Variants in DBNDD1 observed in about 807,000 individuals in gnomAD.
DBNDD1 encodes the protein dysbindin domain-containing protein 1.
Under a neutral mutation model 17.0 loss-of-function variants are expected in DBNDD1, and 14 were observed. That is an observed-to-expected ratio of 0.82 (90% CI 0.54 to 1.29). The LOEUF is 1.29. DBNDD1 is among the 50% of genes most tolerant of loss of function. The pLI is 0.00. For synonymous variants in DBNDD1, 105 were observed against 102.0 expected, an observed-to-expected ratio of 1.03 and a Z score of -0.18; for missense variants, 221 against 216.2, an observed-to-expected ratio of 1.02 and a Z score of -0.14.
intron 2 of DBNDD1, 40 bp downstream of exon 2, chr16:90,009,244 G>C (rs747619217): frequency 6.2e-7 from 1 of 1,607,210 alleles, no homozygotes; most frequent in Non-Finnish European, 8.5e-7. Context: ...GGAGCTCACG[G>C]GGTCCCCATA....
At chr16:90,009,199 G>T (rs1597578813) in intron 2 of DBNDD1, 85 bp downstream of exon 2, 3 of 1,564,000 alleles carry the variant, frequency 1.9e-6, no homozygotes, top group East Asian at 4.6e-5. Context: ...GGAGTGTTTG[G>T]ACAGGAGGTG....
chr16:90,019,691 G>T, upstream of DBNDD1: 1 of 560,002 alleles, frequency 1.8e-6, no homozygotes, highest in South Asian at 2.2e-5. This position sits in a 1 kb window ranked among gnomAD's most constrained non-coding sequence, Gnocchi z 6.1. Context: ...GCGCCCTCCC[G>T]ACCCCGGCCG....
At chr16:90,018,560 C>T (rs1401830971) in intron 1 of DBNDD1, among the ~76,000 whole-genome samples, 1 of 152,210 alleles carries the variant, frequency 6.6e-6, no homozygotes, top group Non-Finnish European at 1.5e-5. Context: ...CAGTTTGCAT[C>T]CAAGTTCCTA....
In DBNDD1 at chr16:90,008,797, G is replaced by C. The variant is rs936557301; in HGVS notation, c.306C>G (p.Thr102=). ...TGCCGGCCTCACCTGCTGGGGACTC[G>C]GTGTTGAGGTTCTCGTCGTCCGAGT... ...FADSDDENLN[T]ESPAGLHPLP... is the part of the protein sequence containing the mutation. The change falls in exon 3 of 4, where the codon ACC becomes ACG. Residue 102 remains threonine, a synonymous_variant. Coordinates refer to ENST00000002501, the MANE Select transcript of DBNDD1 (RefSeq NM_001042610.3). 1.3e-6 allele frequency: 2 copies of C among 1,596,884 alleles called. No individual in the cohort carries two copies. Among genetic ancestry groups the C allele is most frequent in the African/African-American group, 1.3e-5 (1 of 74,694 alleles).
chr16:90,010,073 T>A (rs1347261540), intron 1 of DBNDD1: 1 of 1,610,112 alleles, frequency 6.2e-7, no homozygotes, highest in Admixed American at 1.7e-5. Flanking sequence ...TTAGATGGAG[T>A]CTCGCTCTGT....
At chr16:90,007,084 C>T (rs2035442072) in intron 3 of DBNDD1, 1 of 153,858 alleles carries the variant, frequency 6.5e-6, no homozygotes, top group African/African-American at 2.4e-5. Context: ...GGCTCACGGG[C>T]TGGGTGGGAA....
chr16:90,017,871 G>T (rs1400155648), intron 1 of DBNDD1, among the ~76,000 whole-genome samples: 3 of 152,210 alleles, frequency 2.0e-5, no homozygotes, highest in Non-Finnish European at 4.4e-5. Flanking sequence ...GCACAGAGCT[G>T]CGACCTGTAG....
chr16:90,011,850 C>G (rs1407482016), intron 1 of DBNDD1, among the ~76,000 whole-genome samples: 1 of 152,178 alleles, frequency 6.6e-6, no homozygotes, highest in Non-Finnish European at 1.5e-5. Context: ...GGGGACCTCC[C>G]GGACACCAGC....
At chr16:90,008,193 A>ACGTCCCAAGG (rs2035471903) in intron 3 of DBNDD1, among the ~76,000 whole-genome samples, 1 of 13,176 alleles carries the variant, frequency 7.6e-5, no homozygotes, top group Non-Finnish European at 1.9e-4. Context: ...ACCTCCCAGG[A>ACGTCCCAAGG]TGTCCCAAGG....
intron 1 of DBNDD1, among the ~76,000 whole-genome samples, chr16:90,012,890 A>G (rs1283342483): frequency 6.6e-6 from 1 of 151,672 alleles, no homozygotes; most frequent in African/African-American, 2.4e-5. Context: ...AGCTGGGACC[A>G]CCACTCCTGG....
chr16:90,019,519 C>CG (rs1402366601), upstream of DBNDD1: 1,220 of 156,178 alleles, frequency 7.8e-3, 8 homozygotes, highest in Admixed American at 0.012. The surrounding 1 kb of genome is among the most constrained non-coding windows in gnomAD (Gnocchi z 6.1). Flanking sequence ...CAGCTGCTCC[C>CG]GGGCCCCGGC....
intron 2 of DBNDD1, 88 bp from the exon 3 acceptor site, chr16:90,009,012 C>T: frequency 7.0e-7 from 1 of 1,438,210 alleles, no homozygotes; most frequent in South Asian, 1.4e-5. Context: ...TGTGCTGTGT[C>T]CTCCCACAAG....
Position 90,008,812 on chromosome 16 carries a change from G to C in DBNDD1, c.291C>G (p.Asp97Glu), listed in dbSNP as rs773478288. ...ELAEVFADSDDENLNTESPAG... is the reference protein window; with the variant it reads ...ELAEVFADSDEENLNTESPAG... ...CTGGGGACTCGGTGTTGAGGTTCTC[G>C]TCGTCCGAGTCAGCAAAGACCTCGG... is the stretch of plus-strand genomic sequence containing the variant. The change falls in exon 3 of 4, where the codon GAC (aspartate) becomes GAG (glutamate). Residue 97 changes from aspartate (D) to glutamate (E), a missense_variant. Physicochemically the swap from Asp to Glu is conservative, Grantham distance 45. Coordinates refer to ENST00000002501, the MANE Select transcript of DBNDD1 (RefSeq NM_001042610.3). 3.7e-6 allele frequency: 6 copies of C among 1,603,024 alleles called. No individual in the cohort carries two copies. Among genetic ancestry groups the C allele is most frequent in the Non-Finnish European group, 4.3e-6 (5 of 1,172,702 alleles).
chr16:90,006,275 C>G lies in DBNDD1; in HGVS notation c.*60G>C, dbSNP rs968465005. The G allele has an allele frequency of 1.8e-4, 280 of 1,541,076 alleles. 4 individuals are homozygous for G. The Admixed American group carries it at 5.2e-3, about 29-fold the overall frequency. On this transcript the variant is annotated 3_prime_UTR_variant, in exon 4 of 4. Transcript: ENST00000002501. ...AGTGTGTCTGCTGGGTCAGCACTGC[C>G]CAGATCTGCCATCGTGTTCGGACCC...
At chr16:90,019,674 C>T, upstream of DBNDD1, 1 of 532,764 alleles carries the variant, frequency 1.9e-6, no homozygotes, top group Non-Finnish European at 3.3e-6. The surrounding 1 kb of genome is among the most constrained non-coding windows in gnomAD (Gnocchi z 6.1). Flanking sequence ...ACCACCGGGA[C>T]CTGGCTGCGC....
chr16:90,012,072 C>T (rs769519004), intron 1 of DBNDD1, among the ~76,000 whole-genome samples: 7 of 152,248 alleles, frequency 4.6e-5, no homozygotes, highest in Admixed American at 6.5e-5. Context: ...GAGCAGTGGC[C>T]GTGGCTGCAG....
intron 1 of DBNDD1, among the ~76,000 whole-genome samples, chr16:90,010,367 CT>C (rs34659525): frequency 0.075 from 9,251 of 123,754 alleles, 260 homozygotes; most frequent in African/African-American, 0.095. Context: ...ACGTAACTAC[CT>C]TTTTTTTTTT....
intron 1 of DBNDD1, chr16:90,009,867 C>G: frequency 1.5e-6 from 2 of 1,295,710 alleles, no homozygotes; most frequent in South Asian, 2.6e-5. Context: ...AGAACAGCCC[C>G]TCTCCACTGT....
intron 1 of DBNDD1, among the ~76,000 whole-genome samples, chr16:90,018,402 T>G (rs948970005): frequency 6.6e-6 from 1 of 152,194 alleles, no homozygotes; most frequent in Non-Finnish European, 1.5e-5. Flanking sequence ...GATGCCACTG[T>G]GTGCGGCTGG....
Sources: allele counts gnomAD v4.1 joint callset (sites outside exome capture counted in the v4.1 genomes callset), GRCh38; gene constraint gnomAD v4.1.1; non-coding constraint Gnocchi (gnomAD v3.1); transcripts MANE v1.5; gene names NCBI Gene and HGNC (gene_info 2026-07-23, HGNC 2026-07-21).